C16orf87: variants seen among roughly 807,000 people sequenced by gnomAD.
C16orf87 encodes UPF0547 protein C16orf87.
A neutral mutation model predicts 21.0 loss-of-function variants in C16orf87; 13 were observed. The observed-to-expected ratio is 0.62, with a 90% CI of 0.40 to 0.98. C16orf87 has a LOEUF of 0.98. Ranked by LOEUF, C16orf87 falls within the 50% of genes least tolerant of loss-of-function variation. The pLI is 0.00. For synonymous variants in C16orf87, 49 were observed against 60.2 expected (o/e 0.81, Z 0.86); for missense variants, 113 against 180.4 (o/e 0.63, Z 2.14).
chr16:46,807,763 C>A (rs768191679), intron 3 of C16orf87, among the ~76,000 whole-genome samples: 1 of 152,184 alleles, frequency 6.6e-6, no homozygotes, highest in African/African-American at 2.4e-5. Context: ...GCATATCTTA[C>A]TCTAGAAATA....
chr16:46,824,179 G>C (rs1244097053), intron 2 of C16orf87, among the ~76,000 whole-genome samples: 1 of 152,144 alleles, frequency 6.6e-6, no homozygotes, highest in African/African-American at 2.4e-5. Context: ...TGTTACAAGC[G>C]TTATCAGCAT....
chr16:46,821,759 C>G (rs867950342), intron 2 of C16orf87, among the ~76,000 whole-genome samples: 1 of 152,152 alleles, frequency 6.6e-6, no homozygotes, highest in African/African-American at 2.4e-5. Flanking sequence ...CTCTGCACCG[C>G]GAGCTCATCC....
At position 46,824,409 on chromosome 16, in the gene C16orf87, G is replaced by A. The variant is rs1959537967; in HGVS notation, c.140C>T (p.Ser47Leu). 2 of 1,539,600 alleles carry A rather than the reference G, an allele frequency of 1.3e-6. No homozygotes were observed. The highest frequency in any genetic ancestry group is 1.8e-6 in the Non-Finnish European group (2 of 1,119,734). ...ISRKLLNAKHSEKSPPSTENK... is the reference protein window; with the variant it reads ...ISRKLLNAKHLEKSPPSTENK... ...ACCTGTAGAAGGTGGTGATTTCTCT[G>A]AGTGTTTTGCATTTAAAAGTTTTCT... The change falls in exon 2 of 4, where the codon TCA becomes TTA. Residue 47 changes from serine to leucine, a missense_variant. Physicochemically the swap from Ser to Leu is moderately radical, Grantham distance 145 (BLOSUM62 -2). Coordinates refer to ENST00000285697, the MANE Select transcript of C16orf87 (RefSeq NM_001001436.4).
intron 2 of C16orf87, among the ~76,000 whole-genome samples, chr16:46,814,309 C>T (rs1318364548): frequency 6.6e-6 from 1 of 152,164 alleles, no homozygotes; most frequent in East Asian, 1.9e-4. Context: ...GAGCAGGCCA[C>T]CAAGGTGATC....
chr16:46,806,333 C>T (rs1385348708), intron 3 of C16orf87, among the ~76,000 whole-genome samples: 1 of 151,012 alleles, frequency 6.6e-6, no homozygotes, highest in African/African-American at 2.4e-5. Flanking sequence ...TCTCAGCTCA[C>T]TGCAACCTCC....
At chr16:46,808,756 G>A (rs2143070337) in intron 3 of C16orf87, among the ~76,000 whole-genome samples, 1 of 152,154 alleles carries the variant, frequency 6.6e-6, no homozygotes, top group African/African-American at 2.4e-5. Context: ...CAAAGAAAAA[G>A]AGAAACTGAA....
At chr16:46,823,142 T>A (rs1157875142) in intron 2 of C16orf87, among the ~76,000 whole-genome samples, 3 of 152,200 alleles carry the variant, frequency 2.0e-5, no homozygotes, top group African/African-American at 7.2e-5. Context: ...CACCTCCTCA[T>A]AGGGGCCTTC....
chr16:46,800,088 G>A lies in C16orf87; in HGVS notation c.*2864C>T, dbSNP rs991492338. 6.6e-6 allele frequency: 1 copy of A among 151,976 alleles called. No homozygotes were observed. The highest frequency in any genetic ancestry group is 2.4e-5 in the African/African-American group (1 of 41,386). The allele number at this position is 151,976 out of a possible 1,614,324, so 9.4% of individuals were successfully genotyped here. ...ATCAAGTGCAATTACTAGAGTTAAA[G>A]AAGTCAAATACTTTTCAATTTGAAA... is the stretch of plus-strand genomic sequence containing the variant. On this transcript the variant is annotated 3_prime_UTR_variant, in exon 4 of 4. Transcript: ENST00000285697.
At chr16:46,811,502 C>A (rs1968082389) in intron 2 of C16orf87, among the ~76,000 whole-genome samples, 3 of 134,930 alleles carry the variant, frequency 2.2e-5, no homozygotes, top group African/African-American at 5.5e-5. Flanking sequence ...AACTCCATCT[C>A]AAAAAAAAAA....
At chr16:46,811,098 T>C (rs527396335) in intron 2 of C16orf87, among the ~76,000 whole-genome samples, 1 of 152,328 alleles carries the variant, frequency 6.6e-6, no homozygotes, top group South Asian at 2.1e-4. Flanking sequence ...GTTTCTCATA[T>C]TAAAGCTAAT....
In C16orf87 at chr16:46,800,840, A is replaced by T. The variant is rs547944667; in HGVS notation, c.*2112T>A. 6.6e-6 allele frequency: 1 copy of T among 152,346 alleles called. No homozygotes were observed. The highest frequency in any genetic ancestry group is 1.9e-4 in the East Asian group (1 of 5,188). The allele number at this position is 152,346 out of a possible 1,614,324, so 9.4% of individuals were successfully genotyped here. A position where few individuals can be genotyped will look rare whatever the true frequency, so the allele number is the denominator to read the frequency against. ...ATAGGTTATGTCACAGAGGAAACCT[A>T]ATTTGCCTCTCTGCCACGGAAATTT... On this transcript the variant is annotated 3_prime_UTR_variant, in exon 4 of 4. Transcript: ENST00000285697.
rs1177674141 is a variant in C16orf87 at position 46,799,143 on chromosome 16, T to C, written c.*3809A>G. The C allele has an allele frequency of 2.0e-5, 3 of 152,238 alleles. No homozygotes were observed. The East Asian group carries it at 5.8e-4, about 29-fold the overall frequency. The allele number at this position is 152,238 out of a possible 1,614,324, so 9.4% of individuals were successfully genotyped here. A position where few individuals can be genotyped will look rare whatever the true frequency, so the allele number is the denominator to read the frequency against. On this transcript the variant is annotated 3_prime_UTR_variant, in exon 4 of 4. Coordinates refer to ENST00000285697, the MANE Select transcript of C16orf87 (RefSeq NM_001001436.4). ...TTATTCTATTCCAGACTCTGTTATA[T>C]GTCTCATACTTTTAATCCTGGAGAG...
intron 1 of C16orf87, among the ~76,000 whole-genome samples, 185 bp from the exon 2 acceptor site, chr16:46,824,667 CTT>C (rs71134504): frequency 1.1e-4 from 15 of 137,048 alleles, no homozygotes; most frequent in South Asian, 4.5e-4. Context: ...TATTCACATT[CTT>C]TTTTTTTTTT....
chr16:46,810,955 C>G (rs1481646057), intron 2 of C16orf87, among the ~76,000 whole-genome samples: 1 of 152,030 alleles, frequency 6.6e-6, no homozygotes, highest in Non-Finnish European at 1.5e-5. Flanking sequence ...AACTACTTGG[C>G]CACCATACGA....
intron 3 of C16orf87, among the ~76,000 whole-genome samples, chr16:46,804,683 T>C (rs1227124664): frequency 6.6e-6 from 1 of 152,182 alleles, no homozygotes; most frequent in African/African-American, 2.4e-5. Context: ...CTGACAAACA[T>C]ATACAAACAT....
At chr16:46,830,954 C>CCCG (rs1435321015) in intron 1 of C16orf87, 130 bp downstream of exon 1, 6 of 550,426 alleles carry the variant, frequency 1.1e-5, no homozygotes, top group Admixed American at 4.6e-5. Flanking sequence ...GCCCCGGATC[C>CCCG]CCGCCGCCGC....
chr16:46,829,627 T>C (rs866557070), intron 1 of C16orf87, among the ~76,000 whole-genome samples: 2 of 152,210 alleles, frequency 1.3e-5, no homozygotes, highest in East Asian at 1.9e-4. Context: ...AAGAGTCATA[T>C]TGCAAAGTCC....
rs372118382 is a variant in C16orf87 at position 46,827,355 on chromosome 16, A to G, written c.67-2873T>C. ...ATATTAACCTCATTTCATTAATTATAGTATAATTTAGATTTTAAACAAACA... is the reference window on the plus strand; with the variant it reads ...ATATTAACCTCATTTCATTAATTATGGTATAATTTAGATTTTAAACAAACA... On this transcript the variant is annotated intron_variant, in intron 1 of 3. Transcript: ENST00000285697. Among the ~76,000 whole-genome samples, 8 of 152,324 alleles carry G rather than the reference A, an allele frequency of 5.3e-5. No homozygotes were observed. In the East Asian group the frequency reaches 1.5e-3, roughly 29 times the overall value.
intron 2 of C16orf87, among the ~76,000 whole-genome samples, chr16:46,811,429 G>A (rs918042332): frequency 7.3e-5 from 11 of 151,390 alleles, no homozygotes; most frequent in African/African-American, 2.7e-4. Context: ...TTAGAACCTA[G>A]GAGGCAGAGG....
Sources: allele counts gnomAD v4.1 joint callset (sites outside exome capture counted in the v4.1 genomes callset), GRCh38; gene constraint gnomAD v4.1.1; transcripts MANE v1.5; gene names NCBI Gene and HGNC (gene_info 2026-07-23, HGNC 2026-07-21).